NOS1AP: variants seen among roughly 807,000 people sequenced by gnomAD.
NOS1AP encodes the protein nitric oxide synthase 1 adaptor protein.
NOS1AP carries 21 observed loss-of-function variants against 56.2 expected under a neutral mutation model. The observed-to-expected ratio is 0.37, with a 90% CI of 0.26 to 0.54. The LOEUF (loss-of-function observed/expected upper bound fraction) is 0.54, where lower values mean the gene tolerates loss of function less well. Among genes scored for constraint, NOS1AP ranks in the 20% least tolerant of loss-of-function variants. The pLI is 0.84. For missense variants in NOS1AP, 522 were observed against 657.8 expected (o/e 0.79, Z 2.26); for synonymous variants, 270 against 274.6 (o/e 0.98, Z 0.17).
chr1:162,366,060 A>G (rs1334041418), intron 9 of NOS1AP, among the ~76,000 whole-genome samples: 1 of 152,198 alleles, frequency 6.6e-6, no homozygotes, highest in Non-Finnish European at 1.5e-5. Context: ...TTCAGTGGAT[A>G]AGGCAGTGGA....
chr1:162,230,365 C>T (rs1653084245), intron 2 of NOS1AP, among the ~76,000 whole-genome samples: 1 of 152,188 alleles, frequency 6.6e-6, no homozygotes, highest in African/African-American at 2.4e-5. Flanking sequence ...CCTCTACTGA[C>T]AGGACCCAAT....
At chr1:162,086,735 C>T (rs553196614) in intron 1 of NOS1AP, among the ~76,000 whole-genome samples, 1 of 152,314 alleles carries the variant, frequency 6.6e-6, no homozygotes, top group African/African-American at 2.4e-5. Context: ...GGTTATATTT[C>T]ACAAAACAAT....
At chr1:162,215,218 G>A (rs1454867775) in intron 2 of NOS1AP, among the ~76,000 whole-genome samples, 2 of 152,158 alleles carry the variant, frequency 1.3e-5, no homozygotes, top group African/African-American at 4.8e-5. Context: ...CTAGCCTCGG[G>A]GCCCGTAAGT....
At chr1:162,236,208 C>A (rs1653284236) in intron 2 of NOS1AP, among the ~76,000 whole-genome samples, 1 of 152,190 alleles carries the variant, frequency 6.6e-6, no homozygotes, top group African/African-American at 2.4e-5. Context: ...TAGTACAGTT[C>A]AGCTTTCCAT....
At chr1:162,210,081 G>T (rs754768526) in intron 2 of NOS1AP, among the ~76,000 whole-genome samples, 1 of 152,182 alleles carries the variant, frequency 6.6e-6, no homozygotes, top group Non-Finnish European at 1.5e-5. Context: ...TGTGAAAGGA[G>T]AAGGAAGAGA....
chr1:162,364,311 T>C, intron 8 of NOS1AP: 1 of 985,424 alleles, frequency 1.0e-6, no homozygotes, highest in Non-Finnish European at 1.2e-6. Context: ...TAAGCTACAT[T>C]GGTCCAGGCC....
chr1:162,286,345 G>A (rs1160397342), intron 2 of NOS1AP, among the ~76,000 whole-genome samples: 1 of 152,230 alleles, frequency 6.6e-6, no homozygotes, highest in Non-Finnish European at 1.5e-5. Flanking sequence ...AGGGATGTGG[G>A]TGGGCTTTGG....
intron 2 of NOS1AP, among the ~76,000 whole-genome samples, chr1:162,204,219 T>C (rs774691017): frequency 2.6e-5 from 4 of 152,216 alleles, no homozygotes; most frequent in Non-Finnish European, 5.9e-5. Flanking sequence ...TCCCCTTCTT[T>C]CTCTGCTGCC....
intron 1 of NOS1AP, among the ~76,000 whole-genome samples, chr1:162,142,010 C>A (rs1249250358): frequency 1.3e-5 from 2 of 151,926 alleles, no homozygotes; most frequent in Non-Finnish European, 1.5e-5. Context: ...TTTGGTGGGC[C>A]AAGCTTTGTA....
At chr1:162,215,633 CAA>C (rs1399917446) in intron 2 of NOS1AP, among the ~76,000 whole-genome samples, 4 of 152,304 alleles carry the variant, frequency 2.6e-5, no homozygotes, top group Admixed American at 6.5e-5. Context: ...GCTCTGTCCT[CAA>C]AACAGATGCT....
intron 2 of NOS1AP, among the ~76,000 whole-genome samples, chr1:162,232,927 C>T (rs1359640591): frequency 6.6e-6 from 1 of 152,126 alleles, no homozygotes; most frequent in Non-Finnish European, 1.5e-5. Flanking sequence ...AACTAACACA[C>T]AGAGGTTTAG....
At chr1:162,330,400 G>T (rs1022929010) in intron 4 of NOS1AP, among the ~76,000 whole-genome samples, 1 of 152,210 alleles carries the variant, frequency 6.6e-6, no homozygotes. Context: ...GATATGTGCT[G>T]TGGCAACGTT....
At chr1:162,091,845 A>G (rs1692137009) in intron 1 of NOS1AP, among the ~76,000 whole-genome samples, 1 of 152,106 alleles carries the variant, frequency 6.6e-6, no homozygotes, top group South Asian at 2.1e-4. Context: ...GCTCTAATTG[A>G]TCTGTCAACC....
chr1:162,347,059 G>A (rs948410103), intron 6 of NOS1AP, among the ~76,000 whole-genome samples: 5 of 152,182 alleles, frequency 3.3e-5, no homozygotes, highest in South Asian at 2.1e-4. Flanking sequence ...TTTTTAGAGC[G>A]TAATGGTGAC....
chr1:162,239,743 G>A (rs1179416864), intron 2 of NOS1AP, among the ~76,000 whole-genome samples: 1 of 152,222 alleles, frequency 6.6e-6, no homozygotes, highest in Non-Finnish European at 1.5e-5. Flanking sequence ...TGAAGGACAA[G>A]AGGAGTGGGA....
chr1:162,157,395 GGCT>G (rs1376902462), intron 2 of NOS1AP, among the ~76,000 whole-genome samples: 1 of 152,212 alleles, frequency 6.6e-6, no homozygotes, highest in East Asian at 1.9e-4. Flanking sequence ...GCTAGGTCCA[GGCT>G]GCTATTTTCT....
intron 2 of NOS1AP, among the ~76,000 whole-genome samples, chr1:162,254,433 G>A (rs532430400): frequency 4.6e-5 from 7 of 152,248 alleles, no homozygotes; most frequent in African/African-American, 1.7e-4. Flanking sequence ...CCCCAGCAGG[G>A]GCCAGTGGTT....
intron 5 of NOS1AP, 74 bp downstream of exon 5, chr1:162,333,199 C>T: frequency 9.9e-7 from 1 of 1,008,536 alleles, no homozygotes; most frequent in East Asian, 2.4e-5. Context: ...TGGCCCGTCT[C>T]CCTGTTGAAG....
chr1:162,342,072 C>T (rs540703207), intron 5 of NOS1AP, among the ~76,000 whole-genome samples: 3 of 152,300 alleles, frequency 2.0e-5, no homozygotes, highest in African/African-American at 7.2e-5. Context: ...CCTAAGCCTG[C>T]CCTGTGGACA....
Sources: gnomAD v4.1 joint callset for allele counts (sites outside exome capture counted in the v4.1 genomes callset) on GRCh38, gnomAD v4.1.1 for gene constraint, MANE v1.5 for transcripts, NCBI Gene and HGNC (gene_info 2026-07-23, HGNC 2026-07-21) for gene names.